The following SH3BGRL variants were observed in gnomAD, a reference collection of about 807,000 sequenced individuals.
SH3BGRL encodes adapter SH3BGRL.
Under a neutral mutation model 9.8 loss-of-function variants are expected in SH3BGRL, and 7 were observed. The ratio of observed to expected loss-of-function variants is 0.72; its 90% confidence interval spans 0.41 to 1.35. SH3BGRL has a LOEUF of 1.35. SH3BGRL is among the 40% of genes most tolerant of loss of function. The probability of loss-of-function intolerance (pLI) is 0.01; values close to 1 mark genes in which losing one functional copy is unlikely to be tolerated. For missense variants in SH3BGRL, 73 were observed against 84.4 expected, an observed-to-expected ratio of 0.86 and a Z score of 0.53; for synonymous variants, 36 against 29.1, an observed-to-expected ratio of 1.24 and a Z score of -0.76.
At chrX:81,278,504 A>G in intron 3 of SH3BGRL, 93 bp downstream of exon 3, 1 of 565,596 alleles carries the variant, frequency 1.8e-6, no homozygotes, top group Non-Finnish European at 2.8e-6. Flanking sequence ...AAGTATTCAA[A>G]TTAAGTCAGA....
chrX:81,239,157 A>G (rs1362359799), intron 1 of SH3BGRL, among the ~76,000 whole-genome samples: 1 of 112,221 alleles, frequency 8.9e-6, no homozygotes, highest in Non-Finnish European at 1.9e-5. Context: ...ATCCAGGAAA[A>G]CATGACCTCA....
chrX:81,285,541 G>C (rs751130685), intron 3 of SH3BGRL, among the ~76,000 whole-genome samples: 2 of 111,629 alleles, frequency 1.8e-5, no homozygotes, highest in African/African-American at 6.5e-5. Context: ...ATAAAAATGT[G>C]AATAGAAGTG....
chrX:81,243,035 G>C (rs2075676151), intron 1 of SH3BGRL, among the ~76,000 whole-genome samples: 1 of 111,998 alleles, frequency 8.9e-6, no homozygotes, highest in South Asian at 3.7e-4. Flanking sequence ...TCTACTGCTG[G>C]ATATATACCC....
intron 1 of SH3BGRL, among the ~76,000 whole-genome samples, chrX:81,253,803 G>T (rs748782468): frequency 1.1e-4 from 12 of 111,894 alleles, no homozygotes; most frequent in Admixed American, 5.7e-4. Flanking sequence ...GACTGCTTTT[G>T]TTCTGTATTA....
At position 81,241,379 on chromosome X, in the gene SH3BGRL, A is replaced by G. The variant is rs767649432; in HGVS notation, c.46-35605A>G. 4.8e-3 allele frequency among the ~76,000 whole-genome samples: 543 copies of G among 112,150 alleles called. 4 individuals carry two copies. The highest frequency in any genetic ancestry group is 8.6e-3 in the Non-Finnish European group (458 of 53,121). ...AGGTGAAACCCCACCTTCAAGACAG[A>G]TAAAGTCTGAAATCTGGGGGCCAGG... is the stretch of plus-strand genomic sequence containing the variant. On this transcript the variant is annotated intron_variant, in intron 1 of 3. Coordinates refer to ENST00000373212, the MANE Select transcript of SH3BGRL (RefSeq NM_003022.3).
At chrX:81,270,331 T>C (rs1437287796) in intron 1 of SH3BGRL, among the ~76,000 whole-genome samples, 1 of 112,140 alleles carries the variant, frequency 8.9e-6, no homozygotes, top group Non-Finnish European at 1.9e-5. Flanking sequence ...CTTTCTGCTC[T>C]GGTTTCTCAC....
At chrX:81,243,793 A>C (rs776864650) in intron 1 of SH3BGRL, among the ~76,000 whole-genome samples, 1 of 111,575 alleles carries the variant, frequency 9.0e-6, no homozygotes, top group Non-Finnish European at 1.9e-5. Flanking sequence ...TACATTAATA[A>C]TCATAATAAT....
Position 81,261,395 on chromosome X carries a change from T to C in SH3BGRL, c.46-15589T>C, listed in dbSNP as rs772964970. Among the ~76,000 whole-genome samples the C allele has an allele frequency of 3.3e-4, 37 of 111,355 alleles. No homozygotes were observed. The East Asian group carries it at 7.9e-3, about 24-fold the overall frequency. ...AAATGGTAGCTCTTATTGATATGAA[T>C]TATAAGAAGACAGTATCTGTCTTCC... On this transcript the variant is annotated intron_variant, in intron 1 of 3. Coordinates refer to ENST00000373212, the MANE Select transcript of SH3BGRL (RefSeq NM_003022.3).
intron 1 of SH3BGRL, among the ~76,000 whole-genome samples, chrX:81,256,327 T>C (rs1474013506): frequency 3.6e-5 from 4 of 112,037 alleles, no homozygotes; most frequent in Non-Finnish European, 5.6e-5. Flanking sequence ...GGCAGGATGT[T>C]CTTTGATGGG....
intron 1 of SH3BGRL, among the ~76,000 whole-genome samples, chrX:81,257,148 T>G (rs913923514): frequency 4.5e-5 from 5 of 111,632 alleles, no homozygotes; most frequent in African/African-American, 1.6e-4. Flanking sequence ...TAATTAACAA[T>G]CTAGCTTATT....
chrX:81,241,613 C>G (rs1471997703), intron 1 of SH3BGRL, among the ~76,000 whole-genome samples: 1 of 111,825 alleles, frequency 8.9e-6, no homozygotes, highest in African/African-American at 3.3e-5. Context: ...TGTTCTGTCA[C>G]TCAATGAAGC....
At chrX:81,219,013 A>G (rs1225434963) in intron 1 of SH3BGRL, among the ~76,000 whole-genome samples, 1 of 109,680 alleles carries the variant, frequency 9.1e-6, no homozygotes, top group Non-Finnish European at 1.9e-5. Context: ...ACAGTGAACA[A>G]TCAGAGAAAG....
intron 1 of SH3BGRL, among the ~76,000 whole-genome samples, chrX:81,253,938 A>G (rs1327278371): frequency 1.8e-5 from 2 of 111,549 alleles, no homozygotes; most frequent in Non-Finnish European, 3.8e-5. Context: ...ATCATCATGT[A>G]GAAATTGAGG....
intron 1 of SH3BGRL, among the ~76,000 whole-genome samples, chrX:81,226,195 A>G (rs1008586860): frequency 5.4e-5 from 6 of 110,738 alleles, no homozygotes; most frequent in Non-Finnish European, 1.1e-4. Context: ...TCTTTCTAAC[A>G]TCTACCCAGT....
At chrX:81,233,168 A>G (rs2075638064) in intron 1 of SH3BGRL, among the ~76,000 whole-genome samples, 1 of 112,171 alleles carries the variant, frequency 8.9e-6, no homozygotes, top group Admixed American at 9.4e-5. Flanking sequence ...AATAATAACA[A>G]GAAGCTGTCA....
chrX:81,278,276 T>A, intron 2 of SH3BGRL, 55 bp from the exon 3 acceptor site: 1 of 931,154 alleles, frequency 1.1e-6, no homozygotes, highest in Non-Finnish European at 1.5e-6. Flanking sequence ...TAAATTTCCT[T>A]TTTTTCTTTT....
In SH3BGRL at chrX:81,283,984, A is replaced by G. The variant is rs188131471; in HGVS notation, c.312+5573A>G. ...ATTCAGCAAAATTTCCAGATCCAAG[A>G]TTAATATACACAAATCAGTAGCTCT... is the stretch of plus-strand genomic sequence containing the variant. On this transcript the variant is annotated intron_variant, in intron 3 of 3. Coordinates refer to ENST00000373212, the MANE Select transcript of SH3BGRL (RefSeq NM_003022.3). Among the ~76,000 whole-genome samples the G allele has an allele frequency of 6.9e-4, 77 of 111,312 alleles. No individual in the cohort carries two copies. The Admixed American group carries it at 7.4e-3, about 11-fold the overall frequency.
chrX:81,268,003 A>T (rs1387758964), intron 1 of SH3BGRL, among the ~76,000 whole-genome samples: 4 of 111,741 alleles, frequency 3.6e-5, no homozygotes, highest in African/African-American at 1.3e-4. Context: ...TTATTTTCGT[A>T]GAGGTGTTTA....
chrX:81,242,537 C>T (rs1329616144), intron 1 of SH3BGRL, among the ~76,000 whole-genome samples: 1 of 112,136 alleles, frequency 8.9e-6, no homozygotes, highest in Non-Finnish European at 1.9e-5. Context: ...TAACACTGCA[C>T]AGGCACCAGC....
Sources: gnomAD v4.1 joint callset for allele counts (sites outside exome capture counted in the v4.1 genomes callset) on GRCh38, gnomAD v4.1.1 for gene constraint, MANE v1.5 for transcripts, NCBI Gene and HGNC (gene_info 2026-07-23, HGNC 2026-07-21) for gene names.